The following NLGN1 variants were observed in gnomAD, a reference collection of about 807,000 sequenced individuals.
NLGN1 encodes the protein neuroligin 1.
NLGN1 carries 12 observed loss-of-function variants against 65.5 expected under a neutral mutation model. The observed-to-expected ratio is 0.18, with a 90% confidence interval of 0.12 to 0.30. The LOEUF (loss-of-function observed/expected upper bound fraction) is 0.30. Among genes scored for constraint, NLGN1 ranks in the 10% least tolerant of loss-of-function variants. The probability of loss-of-function intolerance (pLI) is 1.00; values close to 1 mark genes in which losing one functional copy is unlikely to be tolerated. For synonymous variants in NLGN1, 350 were observed against 359.5 expected (o/e 0.97, Z 0.30); for missense variants, 750 against 1,007.1 (o/e 0.74, Z 3.46).
In NLGN1 at chr3:174,265,887, CGTATATATGTATATATGTGTATATAT is replaced by C. The variant is rs1458952198; in HGVS notation, c.647-9391_647-9366del. ...AGTATTTTGTTATAATATATATATA[CGTATATATGTATATATGTGTATATAT>C]GTATATATGTATATATGTGTATATA... is the stretch of plus-strand genomic sequence containing the variant. On this transcript the variant is annotated intron_variant, in intron 4 of 6. Coordinates refer to ENST00000457714, the Ensembl canonical transcript of NLGN1. Among the ~76,000 whole-genome samples, 30 of 136,292 alleles carry C rather than the reference CGTATATATGTATATATGTGTATATAT, an allele frequency of 2.2e-4. 1 individual carries two copies. Among genetic ancestry groups the C allele is most frequent in the South Asian group, 9.3e-4 (4 of 4,280 alleles). 89.4% of individuals were successfully genotyped at this position (136,292 alleles called of 152,430 possible). A position where few individuals can be genotyped will look rare whatever the true frequency, so the allele number is the denominator to read the frequency against.
At chr3:173,407,594 G>T (rs966285696) in intron 1 of NLGN1, among the ~76,000 whole-genome samples, 16 of 152,158 alleles carry the variant, frequency 1.1e-4, no homozygotes, top group Non-Finnish European at 2.2e-4. Context: ...TTTTAGCAAA[G>T]TTAGTGGAGG....
At chr3:174,250,784 G>C (rs1029719594) in intron 4 of NLGN1, among the ~76,000 whole-genome samples, 6 of 152,198 alleles carry the variant, frequency 3.9e-5, no homozygotes, top group South Asian at 2.1e-4. Flanking sequence ...CTGTGACCCA[G>C]AATATATAGA....
intron 4 of NLGN1, among the ~76,000 whole-genome samples, chr3:174,191,529 CTG>C (rs1732388871): frequency 6.6e-6 from 1 of 152,154 alleles, no homozygotes; most frequent in Non-Finnish European, 1.5e-5. Flanking sequence ...GTTTGCAACT[CTG>C]TGACCTGTCA....
At chr3:173,867,740 G>A (rs955556890) in intron 4 of NLGN1, among the ~76,000 whole-genome samples, 3 of 152,012 alleles carry the variant, frequency 2.0e-5, no homozygotes, top group African/African-American at 2.4e-5. Context: ...TAATAATACA[G>A]GCACATTTGT....
chr3:174,118,332 T>C (rs79853578), intron 4 of NLGN1, among the ~76,000 whole-genome samples: 2,641 of 152,276 alleles, frequency 0.017, 60 homozygotes, highest in South Asian at 0.082. Context: ...TACTCTAATA[T>C]CTTGCATGTA....
At chr3:173,700,924 G>A (rs576581366) in intron 3 of NLGN1, among the ~76,000 whole-genome samples, 1 of 152,270 alleles carries the variant, frequency 6.6e-6, no homozygotes, top group Admixed American at 6.5e-5. Flanking sequence ...AGGAGATCGA[G>A]ACCATCCTGG....
At chr3:174,152,424 C>T (rs762676362) in intron 4 of NLGN1, among the ~76,000 whole-genome samples, 17 of 152,012 alleles carry the variant, frequency 1.1e-4, no homozygotes, top group Non-Finnish European at 2.2e-4. Flanking sequence ...CATGTTCTCA[C>T]TCATAGGTGG....
chr3:173,696,987 T>A (rs951585625), intron 3 of NLGN1, among the ~76,000 whole-genome samples: 2 of 152,214 alleles, frequency 1.3e-5, no homozygotes, highest in East Asian at 3.9e-4. Context: ...ATGGGCAGTC[T>A]GATAGAGCCA....
At chr3:174,274,062 T>TAAG (rs1343473778) in intron 4 of NLGN1, among the ~76,000 whole-genome samples, 1 of 151,400 alleles carries the variant, frequency 6.6e-6, no homozygotes, top group African/African-American at 2.4e-5. Flanking sequence ...TGAATTTCTA[T>TAAG]AAGTCTCCAA....
At chr3:173,892,975 G>T (rs563434699) in intron 4 of NLGN1, among the ~76,000 whole-genome samples, 2 of 152,052 alleles carry the variant, frequency 1.3e-5, no homozygotes, top group Non-Finnish European at 1.5e-5. Flanking sequence ...TTATAACTAT[G>T]CATCTTCTGA....
intron 4 of NLGN1, among the ~76,000 whole-genome samples, chr3:173,974,074 A>G (rs1334290998): frequency 6.6e-6 from 1 of 152,048 alleles, no homozygotes; most frequent in East Asian, 1.9e-4. Flanking sequence ...ACAACTTGAA[A>G]TCTACAACGT....
chr3:173,486,298 G>C lies in NLGN1; in HGVS notation c.-321+51220G>C, dbSNP rs1303746027. 2.0e-5 allele frequency among the ~76,000 whole-genome samples: 3 copies of C among 152,076 alleles called. 1 individual carries two copies. The highest frequency in any genetic ancestry group is 7.2e-5 in the African/African-American group (3 of 41,410). On this transcript the variant is annotated intron_variant, in intron 2 of 6. Transcript: ENST00000457714. Reference sequence around the variant, plus strand: ...GCTGGTCTCGAACTCCTGGCCTCAAGGGATCCGCCTGCCTCGGCCTCCCAA... The same window carrying C: ...GCTGGTCTCGAACTCCTGGCCTCAACGGATCCGCCTGCCTCGGCCTCCCAA...
At chr3:174,023,561 G>A (rs957422664) in intron 4 of NLGN1, among the ~76,000 whole-genome samples, 1 of 152,150 alleles carries the variant, frequency 6.6e-6, no homozygotes, top group East Asian at 1.9e-4. Flanking sequence ...CATCATCTCA[G>A]TGTGGGGAGG....
At chr3:174,043,336 C>T (rs187079463) in intron 4 of NLGN1, among the ~76,000 whole-genome samples, 3 of 152,296 alleles carry the variant, frequency 2.0e-5, no homozygotes, top group Non-Finnish European at 2.9e-5. Flanking sequence ...AGTATTAACT[C>T]ATTCCAGCAC....
chr3:174,010,829 C>T (rs1381185923), intron 4 of NLGN1, among the ~76,000 whole-genome samples: 3 of 151,950 alleles, frequency 2.0e-5, no homozygotes, highest in African/African-American at 7.3e-5. Flanking sequence ...ATGTAAAAGC[C>T]TAGAAAAATT....
intron 4 of NLGN1, among the ~76,000 whole-genome samples, chr3:173,912,173 A>G (rs115536887): frequency 6.6e-6 from 1 of 152,306 alleles, no homozygotes; most frequent in Non-Finnish European, 1.5e-5. Flanking sequence ...AAGGTAGACA[A>G]TAAGTATTCA....
intron 2 of NLGN1, among the ~76,000 whole-genome samples, chr3:173,517,780 A>G (rs769086865): frequency 1.3e-5 from 2 of 151,734 alleles, no homozygotes; most frequent in African/African-American, 2.4e-5. Flanking sequence ...CTATCTATCT[A>G]TCTATCTATC....
chr3:173,501,749 C>T (rs1577004512), intron 2 of NLGN1, among the ~76,000 whole-genome samples: 1 of 151,426 alleles, frequency 6.6e-6, no homozygotes, highest in East Asian at 1.9e-4. Context: ...TTTTTATGTT[C>T]AGTGTATGTA....
intron 4 of NLGN1, among the ~76,000 whole-genome samples, chr3:174,239,142 C>T (rs762913635): frequency 6.6e-6 from 1 of 151,816 alleles, no homozygotes; most frequent in Non-Finnish European, 1.5e-5. Context: ...GATCTCAGCT[C>T]ACTGCAACCT....
Sources: allele counts gnomAD v4.1 joint callset (sites outside exome capture counted in the v4.1 genomes callset), GRCh38; gene constraint gnomAD v4.1.1; transcripts MANE v1.5; gene names NCBI Gene and HGNC (gene_info 2026-07-23, HGNC 2026-07-21).